The following FER variants were observed in gnomAD, a reference collection of about 807,000 sequenced individuals.
FER encodes tyrosine-protein kinase Fer.
FER carries 63 observed loss-of-function variants against 111.0 expected under a neutral mutation model. The observed-to-expected ratio is 0.57, with a 90% CI of 0.46 to 0.70. The LOEUF (loss-of-function observed/expected upper bound fraction) is 0.70. FER is among the 30% of genes least tolerant of loss of function. The pLI, the probability that FER is intolerant of heterozygous loss-of-function variation, is 0.00. For missense variants in FER, 914 were observed against 954.0 expected (o/e 0.96, Z 0.55); for synonymous variants, 327 against 313.9 (o/e 1.04, Z -0.44).
At chr5:108,990,508 A>T (rs1763040851) in intron 13 of FER, among the ~76,000 whole-genome samples, 1 of 151,910 alleles carries the variant, frequency 6.6e-6, no homozygotes, top group African/African-American at 2.4e-5. Context: ...CATTTCAAAG[A>T]AATATAAATG....
chr5:108,981,858 T>C (rs896037364), intron 13 of FER, among the ~76,000 whole-genome samples: 2 of 152,094 alleles, frequency 1.3e-5, no homozygotes, highest in African/African-American at 4.8e-5. Flanking sequence ...CCATGCTGCC[T>C]CTCCAAGTGG....
At chr5:109,141,504 T>C (rs1276117480) in intron 17 of FER, among the ~76,000 whole-genome samples, 1 of 152,174 alleles carries the variant, frequency 6.6e-6, no homozygotes. Context: ...CTAACACAGA[T>C]AGATGTAGTA....
intron 5 of FER, among the ~76,000 whole-genome samples, chr5:108,857,541 G>A (rs946233001): frequency 2.0e-5 from 3 of 151,914 alleles, no homozygotes; most frequent in Non-Finnish European, 2.9e-5. Context: ...AAACGTTGAC[G>A]CTATGTAAAT....
intron 2 of FER, among the ~76,000 whole-genome samples, chr5:108,788,119 T>C (rs1754949765): frequency 6.6e-6 from 1 of 152,190 alleles, no homozygotes; most frequent in Non-Finnish European, 1.5e-5. Context: ...AACACCCTTT[T>C]TGGGACTCTG....
At chr5:109,017,614 G>C (rs1767335596) in intron 13 of FER, among the ~76,000 whole-genome samples, 1 of 151,820 alleles carries the variant, frequency 6.6e-6, no homozygotes, top group African/African-American at 2.4e-5. Flanking sequence ...CTTTTAGCTT[G>C]GGTCCAAATC....
chr5:109,186,027 A>G (rs764753206), intron 18 of FER, among the ~76,000 whole-genome samples, 173 bp from the exon 19 acceptor site: 15 of 152,188 alleles, frequency 9.9e-5, no homozygotes, highest in South Asian at 2.1e-4. Flanking sequence ...CCACATCACT[A>G]GGCAATAGGA....
chr5:109,019,449 A>G (rs72790538), intron 13 of FER, among the ~76,000 whole-genome samples: 17,814 of 151,842 alleles, frequency 0.12, 1,102 homozygotes, highest in Non-Finnish European at 0.14. Flanking sequence ...TAGTATCATT[A>G]TTAGTACTGT....
chr5:109,098,285 T>C (rs1356496306), intron 16 of FER, among the ~76,000 whole-genome samples: 7 of 151,968 alleles, frequency 4.6e-5, no homozygotes, highest in Admixed American at 2.6e-4. Flanking sequence ...ATTTGTTAAA[T>C]AATTTGTTGA....
intron 3 of FER, among the ~76,000 whole-genome samples, chr5:108,827,553 T>A (rs1759594707): frequency 6.6e-6 from 1 of 152,170 alleles, no homozygotes; most frequent in Non-Finnish European, 1.5e-5. Flanking sequence ...TTATTTCCTT[T>A]TTTCTGTAAT....
intron 17 of FER, among the ~76,000 whole-genome samples, chr5:109,143,925 T>G (rs1214156144): frequency 6.6e-6 from 1 of 151,668 alleles, no homozygotes; most frequent in African/African-American, 2.4e-5. Context: ...TTTTTCAGTT[T>G]CAAGCAGTAT....
At chr5:108,753,066 T>G (rs1580367282) in intron 1 of FER, among the ~76,000 whole-genome samples, 2 of 152,248 alleles carry the variant, frequency 1.3e-5, no homozygotes, top group South Asian at 2.1e-4. Flanking sequence ...ATAGGGATAG[T>G]AAAATTGCTT....
intron 13 of FER, among the ~76,000 whole-genome samples, chr5:108,966,392 T>TC (rs970607939): frequency 6.7e-6 from 1 of 149,298 alleles, no homozygotes; most frequent in African/African-American, 2.5e-5. Flanking sequence ...TCTTTTCTTT[T>TC]TTTTTTTTTT....
rs188299935 is a variant in FER, at chr5:109,190,396, C to T, written c.*2821C>T. 6.6e-6 allele frequency: 1 copy of T among 152,086 alleles called. No individual in the cohort carries two copies. The highest frequency in any genetic ancestry group is 2.4e-5 in the African/African-American group (1 of 41,510). The allele number at this position is 152,086 out of a possible 1,614,324, so 9.4% of individuals were successfully genotyped here. A position where few individuals can be genotyped will look rare whatever the true frequency, so the allele number is the denominator to read the frequency against. On this transcript the variant is annotated 3_prime_UTR_variant, in exon 20 of 20. Transcript: ENST00000281092. ...ATATATTCTTACTACTGCATAGTTCCTCTCATAAGTCCTTAAATTTATTAA... is the reference window on the plus strand; with the variant it reads ...ATATATTCTTACTACTGCATAGTTCTTCTCATAAGTCCTTAAATTTATTAA...
intron 5 of FER, among the ~76,000 whole-genome samples, chr5:108,847,907 C>A (rs1244858951): frequency 6.6e-6 from 1 of 151,836 alleles, no homozygotes; most frequent in Non-Finnish European, 1.5e-5. Context: ...TTTTTTACAA[C>A]AGGGTCTCAC....
chr5:108,750,383 A>T (rs1410781128), intron 1 of FER, among the ~76,000 whole-genome samples: 2 of 152,200 alleles, frequency 1.3e-5, no homozygotes, highest in African/African-American at 4.8e-5. Context: ...CAGTCGGGAA[A>T]GCAGAGTGTA....
intron 3 of FER, among the ~76,000 whole-genome samples, chr5:108,831,808 T>C (rs1760073463): frequency 6.6e-6 from 1 of 152,234 alleles, no homozygotes; most frequent in African/African-American, 2.4e-5. Context: ...ATTCTGTTCA[T>C]TCACAGATCA....
chr5:109,146,887 A>T (rs1180052479), intron 17 of FER, among the ~76,000 whole-genome samples: 1 of 152,108 alleles, frequency 6.6e-6, no homozygotes, highest in Non-Finnish European at 1.5e-5. Flanking sequence ...ATTTAAAAAA[A>T]TAATAATAGA....
chr5:109,145,821 T>C (rs1754032985), intron 17 of FER, among the ~76,000 whole-genome samples: 1 of 152,012 alleles, frequency 6.6e-6, no homozygotes, highest in African/African-American at 2.4e-5. Context: ...TGCTAATGTG[T>C]TTCTACTTGC....
chr5:108,767,816 C>T (rs1039666614), intron 1 of FER, among the ~76,000 whole-genome samples: 3 of 152,020 alleles, frequency 2.0e-5, no homozygotes, highest in African/African-American at 4.8e-5. Context: ...ATGATGTAAA[C>T]GTGGAGAAAA....
Sources: gnomAD v4.1 joint callset for allele counts (sites outside exome capture counted in the v4.1 genomes callset) on GRCh38, gnomAD v4.1.1 for gene constraint, MANE v1.5 for transcripts, NCBI Gene and HGNC (gene_info 2026-07-23, HGNC 2026-07-21) for gene names.